GON4L: variants seen among roughly 807,000 people sequenced by gnomAD.
GON4L encodes GON-4-like protein.
Under a neutral mutation model 211.8 loss-of-function variants are expected in GON4L, and 87 were observed. The ratio of observed to expected loss-of-function variants is 0.41; its 90% CI spans 0.35 to 0.49. The LOEUF is 0.49. GON4L is among the 20% of genes least tolerant of loss of function. The pLI is 0.15. For missense variants in GON4L, 2,155 were observed against 2,659.5 expected, an observed-to-expected ratio of 0.81 and a Z score of 4.17; for synonymous variants, 875 against 962.6, an observed-to-expected ratio of 0.91 and a Z score of 1.68.
chr1:155,778,325 C>T (rs941151219), intron 14 of GON4L, among the ~76,000 whole-genome samples: 5 of 152,112 alleles, frequency 3.3e-5, no homozygotes, highest in Non-Finnish European at 5.9e-5. Flanking sequence ...GATCTCAGCT[C>T]ACTGCAACCT....
In GON4L at chr1:155,766,480, G is replaced by A. The variant is rs770458270; in HGVS notation, c.2993C>T (p.Ser998Leu). ...GATAAGGAGGGGCTTCAGGACTGAT[G>A]AACGCTTCTGTCTCCAAGCCTTCCT... ...FPRKAWRQKR[S>L]SVLKPLLIQP... The change falls in exon 21 of 32, where the codon TCA becomes TTA. Residue 998 changes from serine (S) to leucine (L), a missense_variant. Ser to Leu is a moderately radical substitution (Grantham distance 145, BLOSUM62 -2). This residue lies in a region of GON4L where 615 missense variants were observed against 625.7 expected (regional missense o/e 0.98). Coordinates refer to ENST00000368331, the MANE Select transcript of GON4L (RefSeq NM_001282860.2). 4.3e-6 allele frequency: 7 copies of A among 1,614,116 alleles called. No homozygotes were observed. In the South Asian group the frequency reaches 4.4e-5, roughly 10 times the overall value.
chr1:155,750,784 GA>G, intron 31 of GON4L, 51 bp from the exon 32 acceptor site: 5 of 1,528,586 alleles, frequency 3.3e-6, no homozygotes, highest in Non-Finnish European at 4.4e-6. Flanking sequence ...TTGTTTTTGA[GA>G]CGGAGTCTCT....
chr1:155,745,967 C>G (rs1284116706), downstream of GON4L: 2 of 763,136 alleles, frequency 2.6e-6, no homozygotes, highest in Non-Finnish European at 4.2e-6. Context: ...ACAGTCCCGA[C>G]GTTCAGCCGG....
chr1:155,842,723 G>A (rs1250920546), intron 2 of GON4L, among the ~76,000 whole-genome samples: 1 of 151,546 alleles, frequency 6.6e-6, no homozygotes, highest in Non-Finnish European at 1.5e-5. Context: ...TGTAGTCCCA[G>A]CTACTCAGAA....
chr1:155,856,715 G>A (rs1672315606), intron 1 of GON4L, among the ~76,000 whole-genome samples: 1 of 151,984 alleles, frequency 6.6e-6, no homozygotes, highest in African/African-American at 2.4e-5. Flanking sequence ...AGTAGCCAGG[G>A]CAGCTCTTTT....
chr1:155,753,391 C>G lies in GON4L; in HGVS notation c.5655G>C (p.Lys1885Asn). ...CCACCAACTCATGGGGCTCCTTGCT[C>G]TTGTAGGATTTGCTGTCACAGACCT... is the stretch of plus-strand genomic sequence containing the variant. Reference protein sequence around the residue: ...SSKVCDSKSYKSKEPHELVGS... With the variant: ...SSKVCDSKSYNSKEPHELVGS... The change falls in exon 29 of 32, where the codon AAG becomes AAC. Residue 1885 changes from lysine (K) to asparagine (N), a missense_variant. Lys to Asn is a moderately conservative substitution (Grantham distance 94). This residue lies in a region of GON4L where 455 missense variants were observed against 504.6 expected (regional missense o/e 0.90). Transcript: ENST00000368331. 1 of 1,613,590 alleles carries G rather than the reference C, an allele frequency of 6.2e-7. No homozygotes were observed. Among genetic ancestry groups the G allele is most frequent in the South Asian group, 1.1e-5 (1 of 91,072 alleles).
In GON4L at chr1:155,814,573, C is replaced by T. The variant is rs947100630; in HGVS notation, c.1162-124G>A. 9.8e-6 allele frequency: 10 copies of T among 1,022,404 alleles called. No homozygotes were observed. In the African/African-American group the frequency reaches 1.6e-4, roughly 16 times the overall value. 63.3% of individuals were successfully genotyped at this position (1,022,404 alleles called of 1,614,324 possible). ...TCAGCCTGGCCAACATGGTGAACAC[C>T]CGTCTCTGCTAAAAATACAAAAATA... On this transcript the variant is annotated intron_variant, in intron 8 of 31. Transcript: ENST00000368331.
In GON4L at chr1:155,762,199, A is replaced by G. The variant is rs1262814778; in HGVS notation, c.4902T>C (p.Tyr1634=). The change falls in exon 23 of 32, where the codon TAT becomes TAC. Residue 1634 remains tyrosine, a synonymous_variant. Transcript: ENST00000368331. ...AGCAGCATTTGCCTACCCTGGTCAG[A>G]TAAGCTTGGGCAAAGGCCAAGTCCT... is the stretch of plus-strand genomic sequence containing the variant. ...EQKDLAFAQA[Y]LTRVREALQH... 1.2e-6 allele frequency: 2 copies of G among 1,606,312 alleles called. No homozygotes were observed. The highest frequency in any genetic ancestry group is 1.7e-6 in the Non-Finnish European group (2 of 1,176,514).
chr1:155,787,189 C>T (rs1272017245), intron 12 of GON4L, among the ~76,000 whole-genome samples: 1 of 151,866 alleles, frequency 6.6e-6, no homozygotes, highest in African/African-American at 2.4e-5. Context: ...GGATTACAGG[C>T]GTGAGCTACC....
chr1:155,750,180 A>G lies in GON4L; in HGVS notation c.*404T>C. The G allele has an allele frequency of 1.7e-6, 1 of 572,164 alleles. No individual in the cohort carries two copies. 35.4% of individuals were successfully genotyped at this position (572,164 alleles called of 1,614,324 possible). On this transcript the variant is annotated 3_prime_UTR_variant, in exon 32 of 32. Transcript: ENST00000368331. ...AAAGGAGCTAGTTTGCAATAAAAACAGCTGGATGCAGGAGCCCAGTGTCTT... is the reference window on the plus strand; with the variant it reads ...AAAGGAGCTAGTTTGCAATAAAAACGGCTGGATGCAGGAGCCCAGTGTCTT...
At chr1:155,745,180 C>T (rs375843730), downstream of GON4L, among the ~76,000 whole-genome samples, 145 of 152,230 alleles carry the variant, frequency 9.5e-4, no homozygotes, top group African/African-American at 3.2e-3. Flanking sequence ...ATGGACTATT[C>T]CACAGAGATG....
rs561419622 is a variant in GON4L, at chr1:155,811,792, C to T, written c.1452+1842G>A. Among the ~76,000 whole-genome samples the T allele has an allele frequency of 2.8e-4, 38 of 134,054 alleles. No individual in the cohort carries two copies. The East Asian group carries it at 3.5e-3, about 13-fold the overall frequency. The allele number at this position is 134,054 out of a possible 152,430, so 87.9% of individuals were successfully genotyped here. ...AAAAAAAAAAAAAGAAGGCTGGGCG[C>T]GGTGGCTGACGCATGTCATCTCAGC... On this transcript the variant is annotated intron_variant, in intron 10 of 31. Transcript: ENST00000368331.
At position 155,822,273 on chromosome 1, in the gene GON4L, C is replaced by A. The variant is rs1668802987; in HGVS notation, c.888+13G>T. On this transcript the variant is annotated intron_variant, in intron 4 of 31. Coordinates refer to ENST00000368331, the MANE Select transcript of GON4L (RefSeq NM_001282860.2). ...TTCCCTTCCATTTACATAACTGCCC[C>A]AGTCTTACTCACATGAAGGATGTTT... The A allele has an allele frequency of 6.2e-7, 1 of 1,603,616 alleles. No homozygotes were observed.
chr1:155,830,566 C>T (rs1193537957), intron 2 of GON4L, among the ~76,000 whole-genome samples: 1 of 151,778 alleles, frequency 6.6e-6, no homozygotes, highest in Non-Finnish European at 1.5e-5. Context: ...CACGAGCCAC[C>T]GCACTTGGCC....
At position 155,769,266 on chromosome 1, in the gene GON4L, G is replaced by A. The variant is rs544395724; in HGVS notation, c.2647-1725C>T. Among the ~76,000 whole-genome samples the A allele has an allele frequency of 4.6e-5, 7 of 152,158 alleles. No homozygotes were observed. In the South Asian group the frequency reaches 6.2e-4, roughly 14 times the overall value. ...CCTGGGATTACAGGCCTGAGCCACC[G>A]TGTACGGCCTCAATTTTTAAAAATT... On this transcript the variant is annotated intron_variant, in intron 19 of 31. Transcript: ENST00000368331.
At chr1:155,818,460 C>T (rs984718432) in intron 6 of GON4L, among the ~76,000 whole-genome samples, 8 of 152,216 alleles carry the variant, frequency 5.3e-5, no homozygotes, top group African/African-American at 1.4e-4. Flanking sequence ...AACTTCCTCA[C>T]TGATGGCTGC....
chr1:155,795,372 A>G (rs577692090), intron 11 of GON4L, among the ~76,000 whole-genome samples: 1 of 152,256 alleles, frequency 6.6e-6, no homozygotes, highest in African/African-American at 2.4e-5. Flanking sequence ...GACCACAGGC[A>G]TACGCCACCA....
chr1:155,854,234 C>G (rs1672069821), intron 1 of GON4L, among the ~76,000 whole-genome samples: 1 of 152,208 alleles, frequency 6.6e-6, no homozygotes, highest in Non-Finnish European at 1.5e-5. Context: ...TCACTGCAAC[C>G]TCCGCCTCTC....
rs572907934 is a variant in GON4L, at chr1:155,768,375, T to C, written c.2647-834A>G. The stretch of plus-strand genomic sequence containing the variant: ...CTTGTAATCCCAGCACTTTGGGAGG[T>C]TGAGGTGGGCAGATCACGAGGTCAG... On this transcript the variant is annotated intron_variant, in intron 19 of 31. Coordinates refer to ENST00000368331, the MANE Select transcript of GON4L (RefSeq NM_001282860.2). 6.3e-5 allele frequency among the ~76,000 whole-genome samples: 9 copies of C among 142,814 alleles called. No individual in the cohort carries two copies. In the South Asian group the frequency reaches 1.6e-3, roughly 25 times the overall value. The allele number at this position is 142,814 out of a possible 152,430, so 93.7% of individuals were successfully genotyped here. A position where few individuals can be genotyped will look rare whatever the true frequency, so the allele number is the denominator to read the frequency against.
Sources: gnomAD v4.1 joint callset for allele counts (sites outside exome capture counted in the v4.1 genomes callset) on GRCh38, gnomAD v4.1.1 for gene constraint, gnomAD v4.1.1 regional missense constraint, MANE v1.5 for transcripts, NCBI Gene and HGNC (gene_info 2026-07-23, HGNC 2026-07-21) for gene names.